Variants in SMARCAL1 observed in about 807,000 individuals in gnomAD.
The protein encoded by SMARCAL1 is ATP-driven annealing helicase.
A neutral mutation model predicts 94.5 loss-of-function variants in SMARCAL1; 58 were observed. The observed-to-expected ratio is 0.61, with a 90% CI of 0.50 to 0.76. The LOEUF (loss-of-function observed/expected upper bound fraction) is 0.76. Ranked by LOEUF, SMARCAL1 falls within the 30% of genes least tolerant of loss-of-function variation. The probability of loss-of-function intolerance (pLI) is 0.00; values close to 1 mark genes in which losing one functional copy is unlikely to be tolerated. For synonymous variants in SMARCAL1, 422 were observed against 455.1 expected (o/e 0.93, Z 0.93); for missense variants, 1,051 against 1,177.9 (o/e 0.89, Z 1.58).
Position 216,478,263 on chromosome 2 carries a change from T to G in SMARCAL1, c.2589T>G (p.Phe863Leu), listed in dbSNP as rs759400963. 11 of 1,614,124 alleles carry G rather than the reference T, an allele frequency of 6.8e-6. No individual in the cohort carries two copies. Among genetic ancestry groups the G allele is most frequent in the Non-Finnish European group, 9.3e-6 (11 of 1,179,978 alleles). ...LAEAGLSETN[F>L]SEMTESTDYL... ...AAGCCGGGCTTTCTGAGACCAATTT[T>G]TCAGAAATGACAGAATCCACTGATT... is the stretch of plus-strand genomic sequence containing the variant. Residue 863 changes from phenylalanine to leucine, a missense_variant, in exon 17 of 18, where the codon TTT becomes TTG. This residue lies in a region of SMARCAL1 where 642 missense variants were observed against 754.7 expected (regional missense o/e 0.85). Coordinates refer to ENST00000357276, the MANE Select transcript of SMARCAL1 (RefSeq NM_014140.4).
intron 5 of SMARCAL1, among the ~76,000 whole-genome samples, chr2:216,420,969 C>T (rs554449476): frequency 4.9e-4 from 75 of 152,308 alleles, no homozygotes; most frequent in African/African-American, 1.8e-3. Context: ...AGCTGGGCCC[C>T]ACTACTGGAG....
chr2:216,480,351 G>T lies in SMARCAL1; in HGVS notation c.2625+2052G>T, dbSNP rs112912160. 2.9e-3 allele frequency among the ~76,000 whole-genome samples: 435 copies of T among 152,312 alleles called. 6 individuals are homozygous for T. The highest frequency in any genetic ancestry group is 0.026 in the East Asian group (133 of 5,178). On this transcript the variant is annotated intron_variant, in intron 17 of 17. Coordinates refer to ENST00000357276, the MANE Select transcript of SMARCAL1 (RefSeq NM_014140.4). ...TAGCCTTCCTTCTGAGAGGGGAAAT[G>T]AAATATTAATCTGATCTTGGAACTC...
intron 5 of SMARCAL1, among the ~76,000 whole-genome samples, chr2:216,421,435 C>T (rs1339592106): frequency 6.6e-6 from 1 of 152,104 alleles, no homozygotes; most frequent in Non-Finnish European, 1.5e-5. Flanking sequence ...GTAGCAGGGA[C>T]TACAGGCACC....
intron 14 of SMARCAL1, among the ~76,000 whole-genome samples, chr2:216,469,334 T>G (rs1473957931): frequency 7.0e-6 from 1 of 143,052 alleles, no homozygotes; most frequent in Non-Finnish European, 1.5e-5. Flanking sequence ...CAGGCTGGAG[T>G]GCAGTAGCAC....
At chr2:216,432,928 A>G (rs553994494) in intron 8 of SMARCAL1, 60 bp downstream of exon 8, 29 of 1,601,128 alleles carry the variant, frequency 1.8e-5, no homozygotes, top group African/African-American at 2.7e-5. Context: ...TTAGAGTCAT[A>G]AAATAATGGT....
rs868845928 is a variant in SMARCAL1 at position 216,414,862 on chromosome 2, C to A, written c.158C>A (p.Pro53Gln). The A allele has an allele frequency of 6.2e-7, 1 of 1,614,082 alleles. No individual in the cohort carries two copies. Among genetic ancestry groups the A allele is most frequent in the Non-Finnish European group, 8.5e-7 (1 of 1,180,054 alleles). Residue 53 changes from proline (P) to glutamine (Q), a missense_variant, in exon 3 of 18, where the codon CCA becomes CAA. By Grantham distance (76) the Pro-to-Gln change is moderately conservative (BLOSUM62 -1). Around this residue, in one of 3 missense-constraint regions of SMARCAL1, gnomAD observed 398 missense variants for 395.2 expected, o/e 1.01. Coordinates refer to ENST00000357276, the MANE Select transcript of SMARCAL1 (RefSeq NM_014140.4). ...AGNPFQAKQG[P>Q]SQNFPRESCK... is the part of the protein sequence containing the mutation. ...AACCCATTCCAGGCCAAGCAAGGCC[C>A]ATCCCAAAATTTCCCAAGGGAGTCT...
At chr2:216,426,942 C>T (rs1292721888) in intron 6 of SMARCAL1, 1 of 152,206 alleles carries the variant, frequency 6.6e-6, no homozygotes, top group Non-Finnish European at 1.5e-5. Flanking sequence ...ATTGGTGAAG[C>T]AGTGGGAGTT....
intron 6 of SMARCAL1, among the ~76,000 whole-genome samples, chr2:216,424,194 A>AGACT (rs1693783249): frequency 6.6e-6 from 1 of 152,246 alleles, no homozygotes; most frequent in Admixed American, 6.5e-5. Flanking sequence ...AGCACTTTAC[A>AGACT]GACTGACCAA....
chr2:216,464,922 G>C (rs1322145024), intron 13 of SMARCAL1, among the ~76,000 whole-genome samples: 1 of 152,130 alleles, frequency 6.6e-6, no homozygotes, highest in African/African-American at 2.4e-5. Context: ...AAGGTGGGAG[G>C]ATTGCTTGAG....
intron 5 of SMARCAL1, among the ~76,000 whole-genome samples, chr2:216,422,854 T>C (rs192006670): frequency 6.6e-4 from 101 of 152,330 alleles, no homozygotes; most frequent in African/African-American, 1.4e-3. Flanking sequence ...TCAGCCACCA[T>C]TGGGTAGAAA....
At chr2:216,429,887 A>G (rs1218484475) in intron 7 of SMARCAL1, among the ~76,000 whole-genome samples, 5 of 151,868 alleles carry the variant, frequency 3.3e-5, no homozygotes, top group Non-Finnish European at 5.9e-5. Context: ...TGCCATTCCA[A>G]TGCTCCAGCT....
At chr2:216,452,865 T>A (rs1476241815) in intron 12 of SMARCAL1, among the ~76,000 whole-genome samples, 1 of 152,244 alleles carries the variant, frequency 6.6e-6, no homozygotes, top group Non-Finnish European at 1.5e-5. Flanking sequence ...CCTGAGAGTT[T>A]GATTTCTGAG....
At chr2:216,431,414 C>T (rs1693960846) in intron 7 of SMARCAL1, among the ~76,000 whole-genome samples, 1 of 152,262 alleles carries the variant, frequency 6.6e-6, no homozygotes, top group Non-Finnish European at 1.5e-5. Context: ...GAGGACCAGA[C>T]ATCTGGCACT....
At chr2:216,442,529 A>G (rs1694218995) in intron 10 of SMARCAL1, among the ~76,000 whole-genome samples, 1 of 152,132 alleles carries the variant, frequency 6.6e-6, no homozygotes, top group South Asian at 2.1e-4. Context: ...AAAGGCAGCT[A>G]TAGTTACCAG....
At chr2:216,460,627 A>G (rs1386452564) in intron 12 of SMARCAL1, among the ~76,000 whole-genome samples, 1 of 143,012 alleles carries the variant, frequency 7.0e-6, no homozygotes, top group Admixed American at 7.4e-5. Flanking sequence ...ATAGGTGGGA[A>G]TTGAACAATG....
chr2:216,478,897 C>G (rs1197109199), intron 17 of SMARCAL1: 1 of 169,134 alleles, frequency 5.9e-6, no homozygotes, highest in Non-Finnish European at 1.3e-5. Context: ...AGGCATCCCT[C>G]CATGACCAGG....
At chr2:216,428,147 C>T (rs942013814) in intron 6 of SMARCAL1, among the ~76,000 whole-genome samples, 2 of 152,154 alleles carry the variant, frequency 1.3e-5, no homozygotes, top group Non-Finnish European at 2.9e-5. Flanking sequence ...TGCAGGACAG[C>T]AGGCTATGGT....
chr2:216,413,149 G>T (rs373517143), intron 1 of SMARCAL1, among the ~76,000 whole-genome samples: 1 of 143,016 alleles, frequency 7.0e-6, no homozygotes, highest in Non-Finnish European at 1.5e-5. Flanking sequence ...TTCGTGGTGG[G>T]GGAGGGGGGA....
At chr2:216,471,554 G>A (rs1204563620) in intron 14 of SMARCAL1, among the ~76,000 whole-genome samples, 4 of 152,028 alleles carry the variant, frequency 2.6e-5, no homozygotes, top group Admixed American at 2.0e-4. Context: ...AGCTTTCACT[G>A]TGTTGGCCAG....
Sources: gnomAD v4.1 joint callset for allele counts (sites outside exome capture counted in the v4.1 genomes callset) on GRCh38, gnomAD v4.1.1 for gene constraint, gnomAD v4.1.1 regional missense constraint, MANE v1.5 for transcripts, NCBI Gene and HGNC (gene_info 2026-07-23, HGNC 2026-07-21) for gene names.